The following SLC8A3 variants were observed in gnomAD, a reference collection of about 807,000 sequenced individuals.
The protein encoded by SLC8A3 is sodium/calcium exchanger 3.
In SLC8A3, 37 loss-of-function variants were observed where a neutral mutation model predicts 65.4. The ratio of observed to expected loss-of-function variants is 0.57; its 90% CI spans 0.44 to 0.74. The LOEUF is 0.74. SLC8A3 is among the 30% of genes least tolerant of loss of function. The pLI, the probability that SLC8A3 is intolerant of heterozygous loss-of-function variation, is 0.00. For synonymous variants in SLC8A3, 461 were observed against 444.5 expected, an observed-to-expected ratio of 1.04 and a Z score of -0.47; for missense variants, 1,112 against 1,172.1, an observed-to-expected ratio of 0.95 and a Z score of 0.75.
At chr14:70,160,521 T>C (rs1896820473) in intron 2 of SLC8A3, among the ~76,000 whole-genome samples, 1 of 152,226 alleles carries the variant, frequency 6.6e-6, no homozygotes, top group Non-Finnish European at 1.5e-5. Context: ...CTTGAGCATC[T>C]GAGGATTTTT....
intron 2 of SLC8A3, among the ~76,000 whole-genome samples, chr14:70,074,000 C>T (rs1190089612): frequency 6.6e-6 from 1 of 152,212 alleles, no homozygotes; most frequent in African/African-American, 2.4e-5. Flanking sequence ...CAATTAGAGA[C>T]TTAACTGCAT....
chr14:70,166,822 A>G lies in SLC8A3; in HGVS notation c.1601T>C (p.Phe534Ser). 1 of 1,614,194 alleles carries G rather than the reference A, an allele frequency of 6.2e-7. No individual in the cohort carries two copies. Among genetic ancestry groups the G allele is most frequent in the Non-Finnish European group, 8.5e-7 (1 of 1,180,000 alleles). ...LDDDHAGIFTFECDTIHVSES... is the reference protein window; with the variant it reads ...LDDDHAGIFTSECDTIHVSES... Reference sequence around the variant, plus strand: ...ACTGACATGAATAGTATCACATTCAAAAGTGAAGATGCCTGCATGGTCATC... The same window carrying G: ...ACTGACATGAATAGTATCACATTCAGAAGTGAAGATGCCTGCATGGTCATC... The change falls in exon 2 of 7, where the codon TTT becomes TCT. Residue 534 changes from phenylalanine (F) to serine (S), a missense_variant. Coordinates refer to ENST00000356921, the MANE Select transcript of SLC8A3 (RefSeq NM_182932.3).
chr14:70,119,384 C>T (rs1893888335), intron 2 of SLC8A3, among the ~76,000 whole-genome samples: 1 of 152,168 alleles, frequency 6.6e-6, no homozygotes, highest in Non-Finnish European at 1.5e-5. Flanking sequence ...ATGTGGTGTG[C>T]TAAGAAACCT....
intron 1 of SLC8A3, among the ~76,000 whole-genome samples, chr14:70,172,755 TA>T (rs1478667954): frequency 6.6e-6 from 1 of 151,056 alleles, no homozygotes; most frequent in African/African-American, 2.4e-5. Context: ...GATGTACAAA[TA>T]AACACTTTTA....
At chr14:70,091,974 C>T (rs114772540) in intron 2 of SLC8A3, among the ~76,000 whole-genome samples, 172 of 152,280 alleles carry the variant, frequency 1.1e-3, no homozygotes, top group Middle Eastern at 0.01. Context: ...GTTCTCAAGC[C>T]AACATTTCTC....
chr14:70,184,564 T>C (rs1883026839), intron 1 of SLC8A3, among the ~76,000 whole-genome samples: 2 of 152,206 alleles, frequency 1.3e-5, no homozygotes, highest in South Asian at 2.1e-4. Flanking sequence ...AGCTAACTCC[T>C]ACCTATCCTC....
chr14:70,092,083 C>G (rs949257339), intron 2 of SLC8A3, among the ~76,000 whole-genome samples: 2 of 152,192 alleles, frequency 1.3e-5, no homozygotes, highest in African/African-American at 4.8e-5. Context: ...GATCCTAACT[C>G]CACATGATTT....
chr14:70,118,232 C>T (rs1420445143), intron 2 of SLC8A3, among the ~76,000 whole-genome samples: 1 of 152,216 alleles, frequency 6.6e-6, no homozygotes, highest in African/African-American at 2.4e-5. Context: ...GGAAAAATGC[C>T]AGTGTTACTT....
At chr14:70,126,832 T>A (rs1445748923) in intron 2 of SLC8A3, among the ~76,000 whole-genome samples, 2 of 152,008 alleles carry the variant, frequency 1.3e-5, no homozygotes, top group Non-Finnish European at 2.9e-5. Flanking sequence ...AAGGAAATGT[T>A]CATTGGAGCA....
intron 2 of SLC8A3, among the ~76,000 whole-genome samples, chr14:70,162,024 T>C (rs990664172): frequency 6.7e-5 from 10 of 149,218 alleles, no homozygotes. Flanking sequence ...AGAAAGACTT[T>C]TTAAAAAATT....
chr14:70,062,872 G>A (rs1168210124), intron 2 of SLC8A3, among the ~76,000 whole-genome samples: 1 of 152,178 alleles, frequency 6.6e-6, no homozygotes, highest in South Asian at 2.1e-4. Flanking sequence ...TGGGATTGGG[G>A]TGCTCTGTGA....
intron 2 of SLC8A3, among the ~76,000 whole-genome samples, chr14:70,077,462 A>G (rs1459577621): frequency 6.6e-6 from 1 of 152,080 alleles, no homozygotes; most frequent in African/African-American, 2.4e-5. Context: ...GTTCATTTCC[A>G]TGTTTCAATC....
At chr14:70,105,134 C>A (rs1157886683) in intron 2 of SLC8A3, among the ~76,000 whole-genome samples, 1 of 152,114 alleles carries the variant, frequency 6.6e-6, no homozygotes, top group African/African-American at 2.4e-5. Context: ...TCGAGACCAT[C>A]CTGGCTAACG....
intron 1 of SLC8A3, among the ~76,000 whole-genome samples, chr14:70,182,805 G>C (rs932955426): frequency 2.6e-5 from 4 of 152,174 alleles, no homozygotes; most frequent in African/African-American, 7.2e-5. Context: ...GGAGTTTGTG[G>C]AGGGAGAGGA....
intron 3 of SLC8A3, among the ~76,000 whole-genome samples, chr14:70,059,789 C>A (rs1403458256): frequency 6.6e-6 from 1 of 152,170 alleles, no homozygotes; most frequent in East Asian, 1.9e-4. Context: ...TGTCAGGGAT[C>A]AGCACCAACT....
chr14:70,051,059 C>A lies in SLC8A3; in HGVS notation c.2062G>T (p.Gly688Trp), dbSNP rs1887447145. ...IKKTNLALVVGTHSWRDQFME... is the reference protein window; with the variant it reads ...IKKTNLALVVWTHSWRDQFME... ...AACTGGTCCCTCCAGGAATGGGTCC[C>A]CACAACCAAGGCCAGGTTTGTCTTC... Residue 688 changes from glycine to tryptophan, a missense_variant, in exon 5 of 7, where the codon GGG (glycine) becomes TGG (tryptophan). Transcript: ENST00000356921. 2 of 1,613,804 alleles carry A rather than the reference C, an allele frequency of 1.2e-6. No individual in the cohort carries two copies. The highest frequency in any genetic ancestry group is 1.7e-6 in the Non-Finnish European group (2 of 1,179,740).
intron 2 of SLC8A3, among the ~76,000 whole-genome samples, chr14:70,109,317 T>TATATATATACACACACAC (rs1414198896): frequency 6.7e-6 from 1 of 148,660 alleles, no homozygotes; most frequent in Non-Finnish European, 1.5e-5. Flanking sequence ...ATATACACAT[T>TATATATATACACACACAC]ATATATATAC....
At chr14:70,097,432 G>A (rs1246979829) in intron 2 of SLC8A3, among the ~76,000 whole-genome samples, 1 of 152,146 alleles carries the variant, frequency 6.6e-6, no homozygotes. Context: ...CCAACAACAC[G>A]TTACTAATCT....
chr14:70,169,251 G>C (rs976466456), intron 1 of SLC8A3, among the ~76,000 whole-genome samples: 1 of 152,168 alleles, frequency 6.6e-6, no homozygotes, highest in African/African-American at 2.4e-5. Flanking sequence ...GAAATCAAAA[G>C]AGTTGATAAA....
Sources: gnomAD v4.1 joint callset for allele counts (sites outside exome capture counted in the v4.1 genomes callset) on GRCh38, gnomAD v4.1.1 for gene constraint, MANE v1.5 for transcripts, NCBI Gene and HGNC (gene_info 2026-07-23, HGNC 2026-07-21) for gene names.